KCTD1: variants seen among roughly 807,000 people sequenced by gnomAD.
KCTD1 encodes the protein BTB/POZ domain-containing protein KCTD1.
Under a neutral mutation model 66.0 loss-of-function variants are expected in KCTD1, and 24 were observed. The ratio of observed to expected loss-of-function variants is 0.36; its 90% CI spans 0.26 to 0.51. KCTD1 has a LOEUF of 0.51. Among genes scored for constraint, KCTD1 ranks in the 20% least tolerant of loss-of-function variants. KCTD1 has a pLI of 0.95. For synonymous variants in KCTD1, 511 were observed against 517.2 expected (o/e 0.99, Z 0.16); for missense variants, 943 against 1,205.2 (o/e 0.78, Z 3.22).
chr18:26,649,443 G>A (rs1420913929), intron 1 of KCTD1, among the ~76,000 whole-genome samples: 1 of 152,140 alleles, frequency 6.6e-6, no homozygotes, highest in Non-Finnish European at 1.5e-5. Flanking sequence ...CGGAGGTGCT[G>A]ATCCTTCCAG....
At chr18:26,601,653 T>C (rs971485311) in intron 1 of KCTD1, among the ~76,000 whole-genome samples, 1 of 152,204 alleles carries the variant, frequency 6.6e-6, no homozygotes, top group African/African-American at 2.4e-5. Flanking sequence ...ATGAACATAG[T>C]ATGCCTTTCC....
chr18:26,617,910 G>A (rs1185039131), intron 1 of KCTD1, among the ~76,000 whole-genome samples: 6 of 149,112 alleles, frequency 4.0e-5, no homozygotes, highest in African/African-American at 1.2e-4. Flanking sequence ...AAGGGAGGGA[G>A]AGGGAAACAA....
At chr18:26,597,141 G>C (rs1986784970) in intron 1 of KCTD1, among the ~76,000 whole-genome samples, 2 of 152,140 alleles carry the variant, frequency 1.3e-5, no homozygotes, top group African/African-American at 4.8e-5. Context: ...CCATGTGGGA[G>C]GGGAAACTGG....
chr18:26,610,920 C>G (rs1187532972), intron 1 of KCTD1, among the ~76,000 whole-genome samples: 1 of 152,106 alleles, frequency 6.6e-6, no homozygotes, highest in Non-Finnish European at 1.5e-5. Context: ...TTGACTAGGA[C>G]ATGTCTTGGT....
At chr18:26,529,572 AAAG>A (rs1283698273) in intron 1 of KCTD1, among the ~76,000 whole-genome samples, 1 of 152,232 alleles carries the variant, frequency 6.6e-6, no homozygotes, top group African/African-American at 2.4e-5. Flanking sequence ...TCCCAAAGGA[AAAG>A]AAGAACCAAG....
intron 1 of KCTD1, among the ~76,000 whole-genome samples, chr18:26,656,610 G>A (rs1342171634): frequency 1.3e-5 from 2 of 151,108 alleles, no homozygotes; most frequent in Admixed American, 6.6e-5. Flanking sequence ...CCGGGCAAAA[G>A]GGGGAAGGAA....
intron 1 of KCTD1, among the ~76,000 whole-genome samples, chr18:26,602,430 T>A (rs1986918946): frequency 6.6e-6 from 1 of 152,262 alleles, no homozygotes; most frequent in Admixed American, 6.5e-5. Context: ...TCTGATTTTG[T>A]TATCAGGGTA....
At chr18:26,620,506 G>A (rs1202051140) in intron 1 of KCTD1, among the ~76,000 whole-genome samples, 2 of 143,076 alleles carry the variant, frequency 1.4e-5, no homozygotes, top group Non-Finnish European at 3.0e-5. Flanking sequence ...GTGCAATCAC[G>A]GCTCACTGCA....
At chr18:26,593,617 G>A (rs1348507744) in intron 1 of KCTD1, among the ~76,000 whole-genome samples, 1 of 140,784 alleles carries the variant, frequency 7.1e-6, no homozygotes, top group African/African-American at 2.7e-5. Context: ...GGAAGACAAG[G>A]AGGAGGAGGA....
chr18:26,632,155 C>T (rs960444733), upstream of KCTD1, among the ~76,000 whole-genome samples: 3 of 151,746 alleles, frequency 2.0e-5, no homozygotes, highest in Non-Finnish European at 2.9e-5. Flanking sequence ...GAGGCCGAGG[C>T]GGGCAGATCA....
upstream of KCTD1, chr18:26,548,608 T>A (rs1416428547): frequency 8.4e-7 from 1 of 1,185,960 alleles, no homozygotes; most frequent in Non-Finnish European, 1.0e-6. Flanking sequence ...AGAGCTTTTG[T>A]GTTTAATGAC....
At chr18:26,466,994 T>C (rs566050816) in intron 3 of KCTD1, among the ~76,000 whole-genome samples, 45 of 152,172 alleles carry the variant, frequency 3.0e-4, no homozygotes, top group Non-Finnish European at 5.4e-4. Flanking sequence ...TCAAATATAG[T>C]TGTGGAATTA....
intron 1 of KCTD1, among the ~76,000 whole-genome samples, chr18:26,504,678 G>A (rs1384257267): frequency 6.6e-6 from 1 of 151,952 alleles, no homozygotes; most frequent in Admixed American, 6.6e-5. Context: ...TGATATATAA[G>A]AACTTTTAAA....
intron 3 of KCTD1, among the ~76,000 whole-genome samples, chr18:26,471,008 G>A (rs939906540): frequency 6.6e-6 from 1 of 152,192 alleles, no homozygotes; most frequent in Non-Finnish European, 1.5e-5. Context: ...TGACAGGGAT[G>A]TGGTGCTTTG....
intron 1 of KCTD1, among the ~76,000 whole-genome samples, chr18:26,649,597 C>T (rs1246440651): frequency 1.3e-5 from 2 of 152,202 alleles, no homozygotes; most frequent in African/African-American, 2.4e-5. Context: ...CAACCTCCGC[C>T]TCCTGGGTTC....
intron 2 of KCTD1, among the ~76,000 whole-genome samples, chr18:26,496,427 G>A (rs760913845): frequency 6.6e-6 from 1 of 152,070 alleles, no homozygotes; most frequent in Non-Finnish European, 1.5e-5. Context: ...ATTCAAAATG[G>A]CAGTCAGAAC....
intron 1 of KCTD1, among the ~76,000 whole-genome samples, chr18:26,558,294 A>G (rs1213442723): frequency 2.0e-5 from 3 of 152,242 alleles, no homozygotes; most frequent in Non-Finnish European, 4.4e-5. Context: ...CACCCAAAAG[A>G]CAGGCAATAA....
At chr18:26,546,109 G>T (rs1453873550) in intron 1 of KCTD1, among the ~76,000 whole-genome samples, 1 of 151,608 alleles carries the variant, frequency 6.6e-6, no homozygotes, top group Admixed American at 6.6e-5. Context: ...CAGATACCAC[G>T]TTCCCACTTT....
At chr18:26,578,809 C>T (rs1374985125) in intron 1 of KCTD1, among the ~76,000 whole-genome samples, 1 of 152,180 alleles carries the variant, frequency 6.6e-6, no homozygotes, top group South Asian at 2.1e-4. Context: ...GATGCCTTAC[C>T]CCTTCCAGTT....
Sources: gnomAD v4.1 joint callset for allele counts (sites outside exome capture counted in the v4.1 genomes callset) on GRCh38, gnomAD v4.1.1 for gene constraint, MANE v1.5 for transcripts, NCBI Gene and HGNC (gene_info 2026-07-23, HGNC 2026-07-21) for gene names.